The following KCNH8 variants were observed in gnomAD, a reference collection of about 807,000 sequenced individuals.
KCNH8 encodes the protein voltage-gated delayed rectifier potassium channel KCNH8.
KCNH8 carries 70 observed loss-of-function variants against 103.6 expected under a neutral mutation model. The observed-to-expected ratio is 0.68, with a 90% CI of 0.56 to 0.82. The LOEUF (loss-of-function observed/expected upper bound fraction) is 0.82, where lower values mean the gene tolerates loss of function less well. KCNH8 is among the 40% of genes least tolerant of loss of function. The pLI is 0.00. For missense variants in KCNH8, 1,217 were observed against 1,329.9 expected, an observed-to-expected ratio of 0.92 and a Z score of 1.32; for synonymous variants, 498 against 489.4, an observed-to-expected ratio of 1.02 and a Z score of -0.23.
chr3:19,409,733 C>T (rs2066747382), intron 7 of KCNH8, among the ~76,000 whole-genome samples: 1 of 152,032 alleles, frequency 6.6e-6, no homozygotes, highest in Admixed American at 6.6e-5. Context: ...TCAGATGAAA[C>T]AGACTTTAAA....
At chr3:19,433,357 C>T (rs1053616889) in intron 7 of KCNH8, among the ~76,000 whole-genome samples, 44 of 152,064 alleles carry the variant, frequency 2.9e-4, no homozygotes, top group African/African-American at 9.7e-4. Flanking sequence ...GATCTTCCCT[C>T]AAAGAATTAA....
At chr3:19,450,403 C>A in intron 9 of KCNH8, 98 bp downstream of exon 9, 2 of 897,492 alleles carry the variant, frequency 2.2e-6, no homozygotes, top group African/African-American at 1.7e-5. Context: ...AAAAGCATAC[C>A]AACTTCTTTA....
intron 1 of KCNH8, among the ~76,000 whole-genome samples, chr3:19,244,237 A>G (rs772056192): frequency 5.3e-5 from 8 of 152,124 alleles, no homozygotes; most frequent in Non-Finnish European, 1.2e-4. Context: ...CACAATTTTT[A>G]TCTACTATTC....
intron 11 of KCNH8, among the ~76,000 whole-genome samples, chr3:19,508,690 TG>T (rs2068736407): frequency 6.6e-6 from 1 of 152,190 alleles, no homozygotes; most frequent in Non-Finnish European, 1.5e-5. Context: ...CAGTATTACC[TG>T]GGAGCTAACT....
intron 10 of KCNH8, among the ~76,000 whole-genome samples, chr3:19,453,853 C>G (rs903170305): frequency 4.6e-5 from 7 of 152,030 alleles, no homozygotes; most frequent in African/African-American, 1.7e-4. Flanking sequence ...CCTGAATAGA[C>G]TAAGACAGTA....
intron 2 of KCNH8, among the ~76,000 whole-genome samples, chr3:19,257,987 T>G (rs980720852): frequency 6.6e-6 from 1 of 152,036 alleles, no homozygotes; most frequent in Non-Finnish European, 1.5e-5. Flanking sequence ...GCCTTCATCT[T>G]TACATATAGG....
intron 5 of KCNH8, among the ~76,000 whole-genome samples, chr3:19,353,772 A>G (rs890172623): frequency 3.3e-5 from 5 of 152,192 alleles, no homozygotes; most frequent in Non-Finnish European, 7.3e-5. Flanking sequence ...CCCACAGCCA[A>G]TATCATACTG....
intron 3 of KCNH8, among the ~76,000 whole-genome samples, chr3:19,335,114 A>G (rs1280024602): frequency 1.3e-5 from 2 of 151,934 alleles, no homozygotes; most frequent in Non-Finnish European, 2.9e-5. Flanking sequence ...ACCCCTCTAA[A>G]TAAGGCTGTT....
intron 1 of KCNH8, among the ~76,000 whole-genome samples, chr3:19,190,852 G>A (rs964784833): frequency 3.3e-5 from 5 of 151,820 alleles, no homozygotes; most frequent in Non-Finnish European, 5.9e-5. Context: ...TCTCACGAAG[G>A]TAGAGTAGCT....
chr3:19,458,160 T>C (rs1043724697), intron 11 of KCNH8, among the ~76,000 whole-genome samples: 1 of 151,970 alleles, frequency 6.6e-6, no homozygotes, highest in Non-Finnish European at 1.5e-5. Context: ...GGTGGCTGGG[T>C]CAGAGTTTCA....
intron 11 of KCNH8, among the ~76,000 whole-genome samples, chr3:19,462,182 G>T (rs2067644815): frequency 6.6e-6 from 1 of 152,146 alleles, no homozygotes; most frequent in Middle Eastern, 3.2e-3. Flanking sequence ...GGGTCAAATG[G>T]TATTTCTGGT....
At chr3:19,326,566 A>G (rs1384611105) in intron 3 of KCNH8, among the ~76,000 whole-genome samples, 1 of 151,894 alleles carries the variant, frequency 6.6e-6, no homozygotes. Context: ...TTGATTGTCA[A>G]CTAATTCCTG....
chr3:19,344,181 T>G (rs1048571652), intron 4 of KCNH8, among the ~76,000 whole-genome samples: 2 of 152,020 alleles, frequency 1.3e-5, no homozygotes, highest in Middle Eastern at 3.2e-3. Context: ...AAGCAAGTTA[T>G]AAGAAGAAAC....
intron 1 of KCNH8, among the ~76,000 whole-genome samples, chr3:19,246,541 C>A (rs1320528367): frequency 2.0e-5 from 3 of 151,944 alleles, no homozygotes; most frequent in Admixed American, 2.0e-4. Context: ...TCCCAAAGTG[C>A]TGGGATTACA....
At chr3:19,499,271 C>T (rs1408090123) in intron 11 of KCNH8, among the ~76,000 whole-genome samples, 3 of 152,102 alleles carry the variant, frequency 2.0e-5, no homozygotes, top group Admixed American at 1.3e-4. Context: ...GCAAAGCCTC[C>T]AAGAAATATG....
At chr3:19,440,894 C>T (rs372959322) in intron 8 of KCNH8, among the ~76,000 whole-genome samples, 53 of 152,246 alleles carry the variant, frequency 3.5e-4, no homozygotes, top group African/African-American at 1.3e-3. Context: ...ATTTATTATA[C>T]TATTTTCTCT....
At chr3:19,468,492 G>A (rs569682004) in intron 11 of KCNH8, among the ~76,000 whole-genome samples, 3 of 152,256 alleles carry the variant, frequency 2.0e-5, no homozygotes, top group Non-Finnish European at 2.9e-5. Flanking sequence ...TTGAAAGAAC[G>A]GCTAAATTGA....
intron 11 of KCNH8, among the ~76,000 whole-genome samples, chr3:19,471,809 C>T (rs899968999): frequency 2.0e-5 from 3 of 152,182 alleles, no homozygotes; most frequent in African/African-American, 4.8e-5. Flanking sequence ...GTTATTGATT[C>T]ATGGTCAGTT....
At chr3:19,428,467 G>C (rs947743982) in intron 7 of KCNH8, among the ~76,000 whole-genome samples, 2 of 152,218 alleles carry the variant, frequency 1.3e-5, no homozygotes, top group Admixed American at 1.3e-4. Flanking sequence ...TAATATATAG[G>C]TTTTCAATAA....
Sources: allele counts gnomAD v4.1 joint callset (sites outside exome capture counted in the v4.1 genomes callset), GRCh38; gene constraint gnomAD v4.1.1; transcripts MANE v1.5; gene names NCBI Gene and HGNC (gene_info 2026-07-23, HGNC 2026-07-21).